Variants in ESF1 observed in about 807,000 individuals in gnomAD.
ESF1 encodes ESF1 nucleolar pre-rRNA processing protein, also known as ESF1 homolog.
A neutral mutation model predicts 92.0 loss-of-function variants in ESF1; 58 were observed. The ratio of observed to expected loss-of-function variants is 0.63; its 90% CI spans 0.51 to 0.78. The LOEUF (loss-of-function observed/expected upper bound fraction) is 0.78, where lower values mean the gene tolerates loss of function less well. ESF1 is among the 30% of genes least tolerant of loss of function. The pLI, the probability that ESF1 is intolerant of heterozygous loss-of-function variation, is 0.00. For synonymous variants in ESF1, 321 were observed against 313.7 expected (o/e 1.02, Z -0.24); for missense variants, 922 against 989.1 (o/e 0.93, Z 0.91).
At chr20:13,734,994 T>G (rs991004891) in intron 9 of ESF1, among the ~76,000 whole-genome samples, 1 of 152,112 alleles carries the variant, frequency 6.6e-6, no homozygotes, top group Non-Finnish European at 1.5e-5. Flanking sequence ...AAATGCTAGT[T>G]TGACCTACAG....
At chr20:13,743,844 C>T (rs539940474) in intron 9 of ESF1, among the ~76,000 whole-genome samples, 23 of 152,268 alleles carry the variant, frequency 1.5e-4, no homozygotes, top group South Asian at 1.0e-3. Flanking sequence ...GTAATCATTA[C>T]ACAATGAATA....
rs766098343 is a variant in ESF1 at position 13,770,011 on chromosome 20, C to A, written c.1414G>T (p.Asp472Tyr). The A allele has an allele frequency of 6.2e-7, 1 of 1,601,766 alleles. No homozygotes were observed. The highest frequency in any genetic ancestry group is 2.2e-5 in the East Asian group (1 of 44,694). The change falls in exon 7 of 14, where the codon GAT (aspartate) becomes TAT (tyrosine). Residue 472 changes from aspartate (D) to tyrosine (Y), a missense_variant. By Grantham distance (160) the Asp-to-Tyr change is radical. Transcript: ENST00000617257. ...GGCTCATCATCAAAAGTAATATCAT[C>A]TGGTATAAACCTAAGAAGTAAAGAA... ...CSFIDLRFIP[D>Y]DITFDDEPKD... is the part of the protein sequence containing the mutation.
chr20:13,784,284 A>C (rs77494505), intron 1 of ESF1, among the ~76,000 whole-genome samples: 29,174 of 143,592 alleles, frequency 0.2, 3,707 homozygotes, highest in East Asian at 0.42. Flanking sequence ...TTATTAAGCA[A>C]CCCCCCCCCA....
At chr20:13,754,776 A>G (rs941727613) in intron 9 of ESF1, among the ~76,000 whole-genome samples, 1 of 152,204 alleles carries the variant, frequency 6.6e-6, no homozygotes, top group Non-Finnish European at 1.5e-5. Context: ...AAAACTCTCC[A>G]GTGGTTTCTC....
chr20:13,769,592 C>A (rs1410791800), intron 7 of ESF1, among the ~76,000 whole-genome samples: 1 of 152,074 alleles, frequency 6.6e-6, no homozygotes, highest in East Asian at 1.9e-4. Flanking sequence ...TCAAGACCAG[C>A]CTGGTCAACA....
intron 5 of ESF1, 145 bp downstream of exon 5, chr20:13,772,370 C>A: frequency 1.8e-6 from 1 of 562,526 alleles, no homozygotes; most frequent in Non-Finnish European, 3.2e-6. Context: ...CCACTTTTAA[C>A]AGACTTTAAA....
chr20:13,715,246 A>G (rs1055340452), intron 13 of ESF1, 79 bp from the exon 14 acceptor site: 1 of 1,338,464 alleles, frequency 7.5e-7, no homozygotes, highest in African/African-American at 1.5e-5. Context: ...ATGGGGCCAA[A>G]TTTCGAAAGT....
At chr20:13,718,397 C>T (rs767741333) in intron 12 of ESF1, among the ~76,000 whole-genome samples, 2 of 152,214 alleles carry the variant, frequency 1.3e-5, no homozygotes, top group Non-Finnish European at 2.9e-5. Flanking sequence ...GCCAAAATTA[C>T]GTGTGACTCT....
At position 13,782,593 on chromosome 20, in the gene ESF1, T is replaced by A; in HGVS notation, c.548A>T (p.Glu183Val). 6.3e-7 allele frequency: 1 copy of A among 1,596,372 alleles called. No individual in the cohort carries two copies. The highest frequency in any genetic ancestry group is 2.2e-5 in the East Asian group (1 of 44,480). The change falls in exon 2 of 14, where the codon GAA becomes GTA. Residue 183 changes from glutamate (E) to valine (V), a missense_variant. Coordinates refer to ENST00000617257, the MANE Select transcript of ESF1 (RefSeq NM_001276380.2). ...GCCTGAGTCTAATGTCCTTTGTTTT[T>A]CTTCGAGAGAAGAGTCTGTAGTATG... ...VQHTTDSSLE[E>V]KQRTLDSGTS...
At chr20:13,757,889 T>A (rs1978973135) in intron 9 of ESF1, among the ~76,000 whole-genome samples, 1 of 152,226 alleles carries the variant, frequency 6.6e-6, no homozygotes, top group Non-Finnish European at 1.5e-5. Context: ...AAAATGTTCA[T>A]ATTAAAATAT....
chr20:13,760,979 G>A (rs1979168231), intron 8 of ESF1, among the ~76,000 whole-genome samples: 1 of 152,206 alleles, frequency 6.6e-6, no homozygotes, highest in Non-Finnish European at 1.5e-5. Flanking sequence ...TCGGATGGTT[G>A]CTGTGTCTGT....
chr20:13,736,987 C>G (rs1456828191), intron 9 of ESF1, among the ~76,000 whole-genome samples: 1 of 152,156 alleles, frequency 6.6e-6, no homozygotes, highest in Non-Finnish European at 1.5e-5. Context: ...ATTTAAATCT[C>G]TTGCCACAGA....
At chr20:13,775,005 A>G in intron 4 of ESF1, 152 bp downstream of exon 4, 2 of 557,728 alleles carry the variant, frequency 3.6e-6, no homozygotes, top group Non-Finnish European at 6.3e-6. Flanking sequence ...TCTAACATTT[A>G]TACCTGTTAC....
intron 9 of ESF1, among the ~76,000 whole-genome samples, chr20:13,747,605 A>AAG (rs58670811): frequency 6.6e-6 from 1 of 151,496 alleles, no homozygotes; most frequent in African/African-American, 2.4e-5. Flanking sequence ...AAAAAAAAAA[A>AAG]AGAGAGAGAA....
intron 9 of ESF1, among the ~76,000 whole-genome samples, chr20:13,746,157 G>T (rs947082354): frequency 6.6e-6 from 1 of 152,040 alleles, no homozygotes; most frequent in South Asian, 2.1e-4. Flanking sequence ...TAGAGATGGG[G>T]TTTCACCATA....
intron 8 of ESF1, among the ~76,000 whole-genome samples, chr20:13,761,765 T>C (rs1440401203): frequency 6.6e-6 from 1 of 152,196 alleles, no homozygotes; most frequent in Non-Finnish European, 1.5e-5. Context: ...AAAGAAACAT[T>C]ATAAAATTCA....
chr20:13,736,114 C>A (rs2049973965), intron 9 of ESF1, among the ~76,000 whole-genome samples: 1 of 152,132 alleles, frequency 6.6e-6, no homozygotes. Context: ...AGCTTAACAG[C>A]ATTGACATTT....
intron 5 of ESF1, among the ~76,000 whole-genome samples, chr20:13,771,722 G>A (rs543212532): frequency 4.5e-4 from 68 of 152,066 alleles, no homozygotes; most frequent in Middle Eastern, 3.4e-3. Context: ...GTGGGAATTC[G>A]TGTGTTTATC....
chr20:13,763,506 T>C (rs554911352), intron 8 of ESF1, among the ~76,000 whole-genome samples: 120 of 152,360 alleles, frequency 7.9e-4, no homozygotes, highest in Non-Finnish European at 1.5e-3. Flanking sequence ...AAAGTTATCT[T>C]TTTTCCTTTA....
Sources: gnomAD v4.1 joint callset for allele counts (sites outside exome capture counted in the v4.1 genomes callset) on GRCh38, gnomAD v4.1.1 for gene constraint, MANE v1.5 for transcripts, NCBI Gene and HGNC (gene_info 2026-07-23, HGNC 2026-07-21) for gene names.